The following MGAT4C variants were observed in gnomAD, a reference collection of about 807,000 sequenced individuals.
The protein encoded by MGAT4C is alpha-1,3-mannosyl-glycoprotein 4-beta-N-acetylglucosaminyltransferase C.
In MGAT4C, 19 loss-of-function variants were observed where a neutral mutation model predicts 40.1. The ratio of observed to expected loss-of-function variants is 0.47; its 90% CI spans 0.33 to 0.70. The LOEUF (loss-of-function observed/expected upper bound fraction) is 0.70, where lower values mean the gene tolerates loss of function less well. Among genes scored for constraint, MGAT4C ranks in the 30% least tolerant of loss-of-function variants. The probability of loss-of-function intolerance (pLI) is 0.02; values close to 1 mark genes in which losing one functional copy is unlikely to be tolerated. For synonymous variants in MGAT4C, 181 were observed against 187.1 expected (o/e 0.97, Z 0.27); for missense variants, 491 against 563.2 (o/e 0.87, Z 1.30).
chr12:86,220,072 C>T (rs921515584), intron 1 of MGAT4C, among the ~76,000 whole-genome samples: 1 of 152,072 alleles, frequency 6.6e-6, no homozygotes, highest in Non-Finnish European at 1.5e-5. Context: ...GTTCTTACCA[C>T]CTATACATCA....
intron 1 of MGAT4C, among the ~76,000 whole-genome samples, chr12:86,221,090 A>G (rs757914470): frequency 1.1e-4 from 17 of 152,116 alleles, no homozygotes; most frequent in Non-Finnish European, 1.9e-4. Flanking sequence ...TGGATAAATA[A>G]ATCTGGTATA....
intron 2 of MGAT4C, among the ~76,000 whole-genome samples, chr12:86,677,134 C>A (rs973287958): frequency 6.6e-6 from 1 of 151,990 alleles, no homozygotes; most frequent in African/African-American, 2.4e-5. Flanking sequence ...CTAGTTGCAA[C>A]TTTTTTAACC....
At chr12:86,659,166 G>A (rs1478143861) in intron 2 of MGAT4C, among the ~76,000 whole-genome samples, 1 of 151,720 alleles carries the variant, frequency 6.6e-6, no homozygotes, top group Non-Finnish European at 1.5e-5. Context: ...ATTTTTTATA[G>A]CACTTTTTTT....
chr12:86,637,759 T>C (rs955850471), intron 2 of MGAT4C, among the ~76,000 whole-genome samples: 1 of 151,894 alleles, frequency 6.6e-6, no homozygotes, highest in Middle Eastern at 3.2e-3. Context: ...CTCTTCAAAA[T>C]ATTTCAATCA....
At chr12:86,381,509 A>G (rs1955928371) in intron 3 of MGAT4C, among the ~76,000 whole-genome samples, 1 of 152,192 alleles carries the variant, frequency 6.6e-6, no homozygotes, top group African/African-American at 2.4e-5. Flanking sequence ...TCTCAGAAAC[A>G]GACCAATTCA....
chr12:86,695,531 C>A (rs1411727490), intron 2 of MGAT4C, among the ~76,000 whole-genome samples: 6 of 152,112 alleles, frequency 3.9e-5, no homozygotes, highest in Non-Finnish European at 8.8e-5. Flanking sequence ...TGTCCATCAA[C>A]GTATGAATGA....
intron 1 of MGAT4C, among the ~76,000 whole-genome samples, chr12:86,767,293 A>C (rs1036952148): frequency 3.9e-5 from 6 of 152,212 alleles, no homozygotes; most frequent in South Asian, 2.1e-4. Flanking sequence ...TCGACACATA[A>C]ACCCTCCCAA....
intron 4 of MGAT4C, among the ~76,000 whole-genome samples, chr12:86,315,502 A>G (rs544734283): frequency 6.6e-5 from 10 of 151,958 alleles, no homozygotes; most frequent in South Asian, 2.1e-4. Context: ...GGAGATCGAG[A>G]TCATCCTGGC....
In MGAT4C at chr12:86,419,919, G is replaced by A. The variant is rs76860458; in HGVS notation, c.-120+15238C>T. Among the ~76,000 whole-genome samples the A allele has an allele frequency of 1.6e-3, 238 of 152,256 alleles. 1 individual carries two copies. Among genetic ancestry groups the A allele is most frequent in the African/African-American group, 5.6e-3 (233 of 41,564 alleles). On this transcript the variant is annotated intron_variant, in intron 3 of 7. Coordinates refer to the MGAT4C transcript ENST00000548651. ...ATGTGTTAAGTGCAGCAGCAAAGGT[G>A]AGGAAAACAGAGATAGGAAAAAACA...
chr12:86,078,468 G>A (rs1201084321), intron 1 of MGAT4C, among the ~76,000 whole-genome samples: 3 of 152,206 alleles, frequency 2.0e-5, no homozygotes, highest in Non-Finnish European at 4.4e-5. Flanking sequence ...CTGCATGCAG[G>A]ATAGGCAAAC....
At chr12:86,711,989 G>A (rs1189335080) in intron 2 of MGAT4C, among the ~76,000 whole-genome samples, 3 of 152,042 alleles carry the variant, frequency 2.0e-5, no homozygotes, top group African/African-American at 7.2e-5. Context: ...AAATGGAGAG[G>A]ATTTCAATTT....
chr12:86,728,998 C>A (rs1490578855), intron 1 of MGAT4C, among the ~76,000 whole-genome samples: 4 of 152,082 alleles, frequency 2.6e-5, no homozygotes, highest in African/African-American at 9.7e-5. Flanking sequence ...TAGAATAATT[C>A]TGCACTTAAC....
chr12:86,606,023 C>T (rs1447495277), intron 2 of MGAT4C, among the ~76,000 whole-genome samples: 2 of 152,074 alleles, frequency 1.3e-5, no homozygotes, highest in African/African-American at 4.8e-5. Context: ...GTAAGCAAGA[C>T]ACCTTCTTTA....
chr12:86,284,919 C>G (rs563765821), intron 4 of MGAT4C, among the ~76,000 whole-genome samples: 6 of 151,988 alleles, frequency 3.9e-5, no homozygotes, highest in Non-Finnish European at 8.8e-5. Flanking sequence ...AATTTTCATC[C>G]TTATGTAATA....
At chr12:86,552,631 T>C (rs1231344623) in intron 2 of MGAT4C, among the ~76,000 whole-genome samples, 3 of 152,120 alleles carry the variant, frequency 2.0e-5, no homozygotes, top group Non-Finnish European at 4.4e-5. Flanking sequence ...CACTATGTAC[T>C]TCATAAATAT....
chr12:86,802,061 G>A (rs1952239588), intron 1 of MGAT4C, among the ~76,000 whole-genome samples: 1 of 151,864 alleles, frequency 6.6e-6, no homozygotes, highest in African/African-American at 2.4e-5. Flanking sequence ...TTCAGGACTG[G>A]CACTGGATCA....
intron 3 of MGAT4C, among the ~76,000 whole-genome samples, chr12:86,372,765 C>T (rs1356384319): frequency 1.3e-5 from 2 of 151,758 alleles, no homozygotes; most frequent in East Asian, 1.9e-4. Flanking sequence ...GCATCAGCTA[C>T]AATTTCTTAG....
At chr12:86,068,521 A>G (rs538847761) in intron 1 of MGAT4C, 6 of 149,440 alleles carry the variant, frequency 4.0e-5, no homozygotes, top group South Asian at 2.1e-4. Context: ...TTTTAGGAAC[A>G]TAAATATATA....
intron 1 of MGAT4C, among the ~76,000 whole-genome samples, chr12:86,114,579 A>G (rs1393597713): frequency 6.6e-6 from 1 of 151,916 alleles, no homozygotes; most frequent in East Asian, 1.9e-4. Flanking sequence ...TTTTTTAGAC[A>G]GTATGTTAAA....
Sources: allele counts gnomAD v4.1 joint callset (sites outside exome capture counted in the v4.1 genomes callset), GRCh38; gene constraint gnomAD v4.1.1; transcripts MANE v1.5; gene names NCBI Gene and HGNC (gene_info 2026-07-23, HGNC 2026-07-21).